Variants in MAP4K4 observed in about 807,000 individuals in gnomAD.
MAP4K4 encodes the protein mitogen-activated protein kinase kinase kinase kinase 4.
Under a neutral mutation model 189.6 loss-of-function variants are expected in MAP4K4, and 38 were observed. The observed-to-expected ratio is 0.20, with a 90% CI of 0.15 to 0.26. The LOEUF is 0.26. MAP4K4 is among the 10% of genes least tolerant of loss of function. The pLI, the probability that MAP4K4 is intolerant of heterozygous loss-of-function variation, is 1.00. For missense variants in MAP4K4, 1,054 were observed against 1,726.9 expected, an observed-to-expected ratio of 0.61 and a Z score of 6.91; for synonymous variants, 610 against 624.3, an observed-to-expected ratio of 0.98 and a Z score of 0.34.
intron 27 of MAP4K4, among the ~76,000 whole-genome samples, chr2:101,880,919 T>A (rs1229155290): frequency 6.6e-6 from 1 of 152,242 alleles, no homozygotes; most frequent in East Asian, 1.9e-4. Context: ...TGAAGTCAGG[T>A]ACTGTCAGTC....
At chr2:101,783,137 C>G (rs767438606) in intron 2 of MAP4K4, among the ~76,000 whole-genome samples, 1 of 152,178 alleles carries the variant, frequency 6.6e-6, no homozygotes, top group Non-Finnish European at 1.5e-5. Flanking sequence ...ATGGACAGAC[C>G]AGGTTTGGCT....
intron 2 of MAP4K4, among the ~76,000 whole-genome samples, chr2:101,765,619 C>T (rs1009260432): frequency 2.0e-5 from 3 of 152,136 alleles, no homozygotes; most frequent in African/African-American, 7.2e-5. Flanking sequence ...ATCACACTGC[C>T]TGTACTTAGA....
exon 19 of MAP4K4, chr2:101,866,541 G>T: frequency 6.2e-7 from 1 of 1,613,550 alleles, no homozygotes; most frequent in Non-Finnish European, 8.5e-7. Flanking sequence ...TCTCACCCTG[G>T]GTCTCAGAGT....
chr2:101,763,869 C>G (rs1030292334), intron 2 of MAP4K4, among the ~76,000 whole-genome samples: 1 of 152,068 alleles, frequency 6.6e-6, no homozygotes, highest in Non-Finnish European at 1.5e-5. Flanking sequence ...ACAACATAAT[C>G]TGACTTAAAA....
intron 2 of MAP4K4, among the ~76,000 whole-genome samples, chr2:101,772,012 C>T (rs925780065): frequency 6.6e-6 from 1 of 152,240 alleles, no homozygotes; most frequent in African/African-American, 2.4e-5. Context: ...AAGTCTCCCT[C>T]AGCCTGGCAA....
At chr2:101,729,897 G>A (rs1296564478) in intron 2 of MAP4K4, among the ~76,000 whole-genome samples, 2 of 152,122 alleles carry the variant, frequency 1.3e-5, no homozygotes, top group Non-Finnish European at 2.9e-5. Context: ...GACTAGCTTT[G>A]AGGGCAGGTT....
chr2:101,860,803 G>A (rs2097628415), intron 15 of MAP4K4, 22 bp from the exon 16 acceptor site: 6 of 1,586,598 alleles, frequency 3.8e-6, no homozygotes, highest in Non-Finnish European at 3.4e-6. Flanking sequence ...ACTGAGTTAT[G>A]TCTTCTAATT....
intron 2 of MAP4K4, among the ~76,000 whole-genome samples, chr2:101,702,872 G>A (rs76207885): frequency 0.011 from 1,638 of 152,230 alleles, 38 homozygotes; most frequent in African/African-American, 0.037. Context: ...TTGCTCATTC[G>A]ATGCCCATTT....
intron 2 of MAP4K4, among the ~76,000 whole-genome samples, chr2:101,744,457 T>G (rs1003616170): frequency 2.0e-5 from 3 of 152,218 alleles, no homozygotes; most frequent in Admixed American, 6.5e-5. Context: ...TAAGAGACAT[T>G]GCTTGCTCTT....
intron 3 of MAP4K4, among the ~76,000 whole-genome samples, chr2:101,794,093 TTTATC>T (rs1316251574): frequency 2.6e-5 from 4 of 152,182 alleles, no homozygotes; most frequent in African/African-American, 9.7e-5. Context: ...AAGCATGTCT[TTTATC>T]TGATTGGTTT....
intron 2 of MAP4K4, among the ~76,000 whole-genome samples, chr2:101,716,604 G>A (rs2048545476): frequency 6.6e-6 from 1 of 152,020 alleles, no homozygotes; most frequent in Non-Finnish European, 1.5e-5. Context: ...AGCCTTTGCT[G>A]GGTAGCAAAC....
At chr2:101,736,984 G>A (rs769152963) in intron 2 of MAP4K4, among the ~76,000 whole-genome samples, 3 of 152,082 alleles carry the variant, frequency 2.0e-5, no homozygotes, top group Non-Finnish European at 4.4e-5. Flanking sequence ...TTACATACTT[G>A]CTCTGTTATG....
chr2:101,871,527 G>A (rs1421950549), exon 24 of MAP4K4: 1 of 1,535,812 alleles, frequency 6.5e-7, no homozygotes, highest in Non-Finnish European at 8.7e-7. Flanking sequence ...CAGCCATCAT[G>A]AGAGCAATGG....
intron 2 of MAP4K4, among the ~76,000 whole-genome samples, chr2:101,761,423 G>A (rs1013552458): frequency 3.9e-5 from 6 of 152,064 alleles, no homozygotes; most frequent in African/African-American, 1.4e-4. Context: ...GCATACATCA[G>A]TTTGGTGTGT....
intron 27 of MAP4K4, among the ~76,000 whole-genome samples, chr2:101,880,905 A>G (rs2098368425): frequency 6.6e-6 from 1 of 152,160 alleles, no homozygotes; most frequent in African/African-American, 2.4e-5. Flanking sequence ...TTTATAGTAA[A>G]TCTTGAAGTC....
At chr2:101,719,236 T>C (rs1457914782) in intron 2 of MAP4K4, among the ~76,000 whole-genome samples, 1 of 152,252 alleles carries the variant, frequency 6.6e-6, no homozygotes, top group Non-Finnish European at 1.5e-5. Flanking sequence ...GAAGTGCTAC[T>C]GTCTTCCCCC....
chr2:101,830,698 T>C (rs572258630), intron 6 of MAP4K4, among the ~76,000 whole-genome samples: 1 of 152,254 alleles, frequency 6.6e-6, no homozygotes, highest in East Asian at 1.9e-4. Context: ...ACCAAATGAC[T>C]CAGTGAGTTG....
chr2:101,770,063 G>A (rs934441833), intron 2 of MAP4K4, among the ~76,000 whole-genome samples: 5 of 152,080 alleles, frequency 3.3e-5, no homozygotes, highest in African/African-American at 1.2e-4. Flanking sequence ...TTACTAGGAG[G>A]ATGAGCTCAC....
chr2:101,840,255 A>G (rs2096875862), intron 10 of MAP4K4, among the ~76,000 whole-genome samples: 2 of 152,146 alleles, frequency 1.3e-5, no homozygotes, highest in African/African-American at 4.8e-5. Flanking sequence ...CCCGAGGGTC[A>G]CGTTGTTGCT....
Sources: allele counts gnomAD v4.1 joint callset (sites outside exome capture counted in the v4.1 genomes callset), GRCh38; gene constraint gnomAD v4.1.1; transcripts MANE v1.5; gene names NCBI Gene and HGNC (gene_info 2026-07-23, HGNC 2026-07-21).